The following TMEM117 variants were observed in gnomAD, a reference collection of about 807,000 sequenced individuals.
The protein encoded by TMEM117 is transmembrane protein 117.
A neutral mutation model predicts 52.4 loss-of-function variants in TMEM117; 27 were observed. The observed-to-expected ratio is 0.51, with a 90% CI of 0.38 to 0.71. The LOEUF (loss-of-function observed/expected upper bound fraction) is 0.71, where lower values mean the gene tolerates loss of function less well. Among genes scored for constraint, TMEM117 ranks in the 30% least tolerant of loss-of-function variants. The pLI, the probability that TMEM117 is intolerant of heterozygous loss-of-function variation, is 0.00. For synonymous variants in TMEM117, 215 were observed against 206.3 expected (o/e 1.04, Z -0.36); for missense variants, 556 against 630.5 (o/e 0.88, Z 1.26).
At chr12:44,117,180 C>T (rs1948158757) in intron 3 of TMEM117, among the ~76,000 whole-genome samples, 2 of 152,148 alleles carry the variant, frequency 1.3e-5, no homozygotes, top group African/African-American at 2.4e-5. Context: ...ATTTTAAGTG[C>T]CTTGAGTTCA....
At chr12:44,331,743 A>G (rs576080391) in intron 6 of TMEM117, among the ~76,000 whole-genome samples, 5 of 152,122 alleles carry the variant, frequency 3.3e-5, no homozygotes, top group African/African-American at 1.2e-4. Context: ...AGTTTTGAAT[A>G]CCCTTTCTTG....
intron 3 of TMEM117, among the ~76,000 whole-genome samples, chr12:43,995,479 C>G (rs1946013871): frequency 6.6e-6 from 1 of 152,162 alleles, no homozygotes; most frequent in African/African-American, 2.4e-5. Context: ...TCTCCATACT[C>G]TTTGAAGCAC....
chr12:44,139,721 CCAAA>C (rs1948544258), intron 3 of TMEM117, among the ~76,000 whole-genome samples: 1 of 152,074 alleles, frequency 6.6e-6, no homozygotes, highest in South Asian at 2.1e-4. Context: ...AGCTAATGCA[CCAAA>C]CAAAATAACT....
downstream of TMEM117, among the ~76,000 whole-genome samples, chr12:44,393,167 T>C (rs1318920049): frequency 6.6e-6 from 1 of 152,158 alleles, no homozygotes; most frequent in Non-Finnish European, 1.5e-5. Context: ...ATATAAAACA[T>C]ATATTTCACA....
chr12:44,217,394 C>G (rs1237508768), intron 5 of TMEM117, among the ~76,000 whole-genome samples: 1 of 152,170 alleles, frequency 6.6e-6, no homozygotes, highest in African/African-American at 2.4e-5. Context: ...TAGGCTGCTA[C>G]CATTGCCCAG....
At chr12:44,300,051 A>T (rs951606533) in intron 6 of TMEM117, among the ~76,000 whole-genome samples, 1 of 152,180 alleles carries the variant, frequency 6.6e-6, no homozygotes, top group African/African-American at 2.4e-5. Context: ...AAAACCAAAA[A>T]TCCTTGTCAT....
chr12:44,142,755 T>C (rs1021417893), intron 3 of TMEM117, among the ~76,000 whole-genome samples: 3 of 152,152 alleles, frequency 2.0e-5, no homozygotes, highest in Non-Finnish European at 4.4e-5. Context: ...TTGTTAGTTA[T>C]ATGATATGAA....
At chr12:44,095,686 C>T (rs1947746803) in intron 3 of TMEM117, among the ~76,000 whole-genome samples, 1 of 152,026 alleles carries the variant, frequency 6.6e-6, no homozygotes, top group African/African-American at 2.4e-5. Context: ...GTTAGGTATT[C>T]ATTTTCATGA....
intron 3 of TMEM117, among the ~76,000 whole-genome samples, chr12:43,999,535 A>C (rs1477422739): frequency 6.6e-6 from 1 of 152,184 alleles, no homozygotes; most frequent in Non-Finnish European, 1.5e-5. Context: ...GCTGGAGTGC[A>C]GTGTTACAGT....
chr12:43,913,636 T>C (rs1944552714), intron 2 of TMEM117, among the ~76,000 whole-genome samples: 1 of 152,182 alleles, frequency 6.6e-6, no homozygotes, highest in South Asian at 2.1e-4. Flanking sequence ...TCTCTGAGTT[T>C]ATGAGTCGTT....
chr12:43,970,376 C>T (rs939534746), intron 3 of TMEM117, among the ~76,000 whole-genome samples: 1 of 152,030 alleles, frequency 6.6e-6, no homozygotes, highest in Admixed American at 6.6e-5. Flanking sequence ...GCAAGCTCCG[C>T]CTCCTGGGTT....
chr12:44,102,296 A>G (rs1947875302), intron 3 of TMEM117, among the ~76,000 whole-genome samples: 2 of 152,180 alleles, frequency 1.3e-5, no homozygotes, highest in Middle Eastern at 3.4e-3. Flanking sequence ...TAGTTTATTC[A>G]TTAAACTCCC....
intron 3 of TMEM117, among the ~76,000 whole-genome samples, chr12:44,018,499 A>C (rs1045533027): frequency 6.6e-6 from 1 of 152,180 alleles, no homozygotes; most frequent in African/African-American, 2.4e-5. Context: ...AGTAATTTAG[A>C]GACAATTGTT....
At chr12:44,226,721 A>G (rs771345048) in intron 5 of TMEM117, among the ~76,000 whole-genome samples, 3 of 152,108 alleles carry the variant, frequency 2.0e-5, no homozygotes, top group Non-Finnish European at 2.9e-5. Context: ...TAGGATACAG[A>G]CACACACAGA....
intron 2 of TMEM117, among the ~76,000 whole-genome samples, chr12:43,940,193 A>G (rs560083222): frequency 4.6e-5 from 7 of 152,316 alleles, no homozygotes; most frequent in Admixed American, 4.6e-4. Flanking sequence ...TGTATTCTTT[A>G]TGAACCCAGA....
At chr12:43,826,589 C>G in the TMEM117 span, among the ~76,000 whole-genome samples, 52 of 152,250 alleles carry the variant, frequency 3.4e-4, no homozygotes, top group South Asian at 4.6e-3. Context: ...ATCTGGCTAG[C>G]TATTGTAAAT....
chr12:44,343,322 C>T (rs1951442189), intron 6 of TMEM117, among the ~76,000 whole-genome samples: 1 of 152,060 alleles, frequency 6.6e-6, no homozygotes, highest in African/African-American at 2.4e-5. Flanking sequence ...ATCCAACTCT[C>T]CCTTTCAGTT....
intron 2 of TMEM117, among the ~76,000 whole-genome samples, chr12:43,892,848 G>A (rs992768024): frequency 3.9e-5 from 6 of 152,242 alleles, no homozygotes; most frequent in African/African-American, 1.4e-4. Context: ...ATGAAATAAA[G>A]CAGTTTAAGG....
chr12:44,175,843 A>C (rs991447322), intron 4 of TMEM117, among the ~76,000 whole-genome samples: 1 of 152,210 alleles, frequency 6.6e-6, no homozygotes, highest in Admixed American at 6.5e-5. Context: ...CAGGTATACA[A>C]AATCCTGGAC....
Sources: gnomAD v4.1 joint callset for allele counts (sites outside exome capture counted in the v4.1 genomes callset) on GRCh38, gnomAD v4.1.1 for gene constraint, MANE v1.5 for transcripts, NCBI Gene and HGNC (gene_info 2026-07-23, HGNC 2026-07-21) for gene names.